The following TMEM181 variants were observed in gnomAD, a reference collection of about 807,000 sequenced individuals.
The protein encoded by TMEM181 is G protein-coupled receptor 178.
TMEM181 carries 39 observed loss-of-function variants against 71.9 expected under a neutral mutation model. That is an observed-to-expected ratio of 0.54 (90% CI 0.42 to 0.71). The LOEUF (loss-of-function observed/expected upper bound fraction) is 0.71. Among genes scored for constraint, TMEM181 ranks in the 30% least tolerant of loss-of-function variants. The pLI, the probability that TMEM181 is intolerant of heterozygous loss-of-function variation, is 0.00. For synonymous variants in TMEM181, 245 were observed against 228.8 expected (o/e 1.07, Z -0.64); for missense variants, 595 against 583.0 (o/e 1.02, Z -0.21).
chr6:158,560,594 C>G (rs983957881), intron 1 of TMEM181, among the ~76,000 whole-genome samples: 1 of 152,128 alleles, frequency 6.6e-6, no homozygotes, highest in African/African-American at 2.4e-5. Context: ...GGAGTCCCGC[C>G]GCCTCCCGGG....
At chr6:158,605,156 GTGTA>G (rs1554227516) in intron 6 of TMEM181, 107 bp from the exon 7 acceptor site, 3 of 568,852 alleles carry the variant, frequency 5.3e-6, no homozygotes, top group Non-Finnish European at 9.3e-6. Context: ...GTGTGTGTGT[GTGTA>G]TGTGTATATA....
At chr6:158,551,857 C>T (rs1781733368) in intron 1 of TMEM181, among the ~76,000 whole-genome samples, 2 of 152,230 alleles carry the variant, frequency 1.3e-5, no homozygotes, top group South Asian at 4.1e-4. Flanking sequence ...GCAAGTAAGC[C>T]TAATCATTTC....
chr6:158,539,911 C>T (rs535214593), intron 1 of TMEM181, among the ~76,000 whole-genome samples: 7 of 152,138 alleles, frequency 4.6e-5, no homozygotes, highest in African/African-American at 9.7e-5. Flanking sequence ...CCTCTTCACA[C>T]GGATTTTCAT....
intron 1 of TMEM181, among the ~76,000 whole-genome samples, chr6:158,549,657 C>T (rs1462263715): frequency 1.3e-5 from 2 of 151,980 alleles, no homozygotes; most frequent in African/African-American, 4.8e-5. Flanking sequence ...GTAGTCAGGG[C>T]GGTAAAGGAA....
At chr6:158,589,850 T>A in intron 6 of TMEM181, 68 bp downstream of exon 6, 2 of 1,119,632 alleles carry the variant, frequency 1.8e-6, no homozygotes, top group Non-Finnish European at 2.7e-6. Context: ...GTTCAATGAT[T>A]GAAATACATC....
chr6:158,634,168 A>G lies in TMEM181; in HGVS notation c.*2280A>G, dbSNP rs1477927839. 1.3e-5 allele frequency: 2 copies of G among 151,010 alleles called. No homozygotes were observed. Among genetic ancestry groups the G allele is most frequent in the Non-Finnish European group, 3.0e-5 (2 of 67,656 alleles). The allele number at this position is 151,010 out of a possible 1,614,324, so 9.4% of individuals were successfully genotyped here. ...AGTGGGAAATAAGAAAAAAAGTTAG[A>G]AAGTACTTAAGGGGAAAATCGTTCT... On this transcript the variant is annotated 3_prime_UTR_variant, in exon 17 of 17. Transcript: ENST00000684151.
In TMEM181 at chr6:158,632,300, G is replaced by T; in HGVS notation, c.*412G>T. 1 of 207,874 alleles carries T rather than the reference G, an allele frequency of 4.8e-6. No individual in the cohort carries two copies. The highest frequency in any genetic ancestry group is 1.3e-4 in the East Asian group (1 of 7,672). 12.9% of individuals were successfully genotyped at this position (207,874 alleles called of 1,614,324 possible). A position where few individuals can be genotyped will look rare whatever the true frequency, so the allele number is the denominator to read the frequency against. ...TCACCCTCTTTCTTCCCTTTTCCAT[G>T]GTACTGTTTTGTGACCCTTTAAACT... On this transcript the variant is annotated 3_prime_UTR_variant, in exon 17 of 17. Transcript: ENST00000684151.
chr6:158,589,576 T>C (rs1054374994), intron 5 of TMEM181, 96 bp from the exon 6 acceptor site: 17 of 869,754 alleles, frequency 2.0e-5, no homozygotes, highest in Non-Finnish European at 3.0e-5. Flanking sequence ...CAATGAGTTC[T>C]GCCCATCTGC....
intron 7 of TMEM181, among the ~76,000 whole-genome samples, chr6:158,606,981 C>G (rs1329603976): frequency 6.6e-6 from 1 of 152,222 alleles, no homozygotes; most frequent in African/African-American, 2.4e-5. Context: ...TACGTTCCTT[C>G]TCCTTTCCTG....
chr6:158,591,230 C>G (rs1461266769), intron 6 of TMEM181, among the ~76,000 whole-genome samples: 2 of 152,130 alleles, frequency 1.3e-5, no homozygotes, highest in African/African-American at 4.8e-5. Flanking sequence ...TTGTTCTTTT[C>G]TTTCACGTTG....
intron 6 of TMEM181, among the ~76,000 whole-genome samples, chr6:158,598,762 C>T (rs1349992580): frequency 6.6e-6 from 1 of 151,812 alleles, no homozygotes; most frequent in Non-Finnish European, 1.5e-5. Flanking sequence ...CAAGCTCTGC[C>T]TCCCGGGTTC....
rs1188957290 is a variant in TMEM181, at chr6:158,560,108, C to T, written c.-117C>T. On this transcript the variant is annotated 5_prime_UTR_variant, in exon 1 of 17. Coordinates refer to ENST00000684151, the MANE Select transcript of TMEM181 (RefSeq NM_001376852.1). ...GCTCTGATGAGTTTTCCGCGGCCGG[C>T]CGCTGCTCAGCCGCTGTCGCTCCGG... 4.1e-6 allele frequency: 4 copies of T among 985,040 alleles called. No homozygotes were observed. Among genetic ancestry groups the T allele is most frequent in the Non-Finnish European group, 4.8e-6 (4 of 829,794 alleles). 61.0% of individuals were successfully genotyped at this position (985,040 alleles called of 1,614,324 possible).
intron 1 of TMEM181, among the ~76,000 whole-genome samples, chr6:158,550,424 G>A (rs1042808245): frequency 7.2e-5 from 11 of 151,860 alleles, no homozygotes; most frequent in Admixed American, 1.3e-4. Context: ...TTGGGAGGCC[G>A]TGGCTGGCGG....
At position 158,607,167 on chromosome 6, in the gene TMEM181, T is replaced by G. The variant is rs1345842430; in HGVS notation, c.574-77T>G. 2.5e-6 allele frequency: 3 copies of G among 1,189,664 alleles called. No individual in the cohort carries two copies. In the African/African-American group the frequency reaches 4.5e-5, roughly 18 times the overall value. The allele number at this position is 1,189,664 out of a possible 1,614,324, so 73.7% of individuals were successfully genotyped here. A position where few individuals can be genotyped will look rare whatever the true frequency, so the allele number is the denominator to read the frequency against. Reference sequence around the variant, plus strand: ...ATTGATTAGAGAAGACAACCTGGTATGCCGGCAAGGTGTGAGCAAAGGCTG... The same window carrying G: ...ATTGATTAGAGAAGACAACCTGGTAGGCCGGCAAGGTGTGAGCAAAGGCTG... On this transcript the variant is annotated intron_variant, in intron 7 of 16. Transcript: ENST00000684151.
At position 158,607,345 on chromosome 6, in the gene TMEM181, T is replaced by C. The variant is rs1283913492; in HGVS notation, c.673+2T>C. 2 of 1,613,248 alleles carry C rather than the reference T, an allele frequency of 1.2e-6. No homozygotes were observed. The highest frequency in any genetic ancestry group is 2.2e-5 in the East Asian group (1 of 44,888). ...TGCCTCTGCTGCTACTTTACAATGGTGGGTAGTTCCATTTTTACTTAGGAA... is the reference window on the plus strand; with the variant it reads ...TGCCTCTGCTGCTACTTTACAATGGCGGGTAGTTCCATTTTTACTTAGGAA... On this transcript the variant is annotated splice_donor_variant, in intron 8 of 16. Coordinates refer to ENST00000684151, the MANE Select transcript of TMEM181 (RefSeq NM_001376852.1). LOFTEE classifies it high-confidence loss of function.
intron 7 of TMEM181, 98 bp downstream of exon 7, chr6:158,605,445 T>A: frequency 1.8e-6 from 2 of 1,117,552 alleles, no homozygotes; most frequent in Non-Finnish European, 2.7e-6. Context: ...TGGAGATTGA[T>A]CTGAACTCAG....
At chr6:158,556,144 C>G (rs1781877796), upstream of TMEM181, among the ~76,000 whole-genome samples, 1 of 152,080 alleles carries the variant, frequency 6.6e-6, no homozygotes, top group Non-Finnish European at 1.5e-5. Flanking sequence ...TTTTATCATC[C>G]CAGTAGGGAT....
intron 2 of TMEM181, among the ~76,000 whole-genome samples, chr6:158,578,814 C>G (rs1783306612): frequency 6.6e-6 from 1 of 152,192 alleles, no homozygotes; most frequent in South Asian, 2.1e-4. Flanking sequence ...TTTAAAACAC[C>G]ATACTCCAAC....
intron 10 of TMEM181, among the ~76,000 whole-genome samples, chr6:158,619,150 C>T (rs941994530): frequency 4.6e-5 from 7 of 152,208 alleles, no homozygotes; most frequent in African/African-American, 1.7e-4. Flanking sequence ...TAGATTTGGT[C>T]TTTTCACATA....
Sources: allele counts gnomAD v4.1 joint callset (sites outside exome capture counted in the v4.1 genomes callset), GRCh38; gene constraint gnomAD v4.1.1; transcripts MANE v1.5; gene names NCBI Gene and HGNC (gene_info 2026-07-23, HGNC 2026-07-21).